The following PDE4D variants were observed in gnomAD, a reference collection of about 807,000 sequenced individuals.
PDE4D encodes phosphodiesterase 4D, also known as 3',5'-cyclic-AMP phosphodiesterase 4D.
PDE4D carries 24 observed loss-of-function variants against 87.4 expected under a neutral mutation model. The observed-to-expected ratio is 0.27, with a 90% CI of 0.20 to 0.39. The LOEUF is 0.39. Among genes scored for constraint, PDE4D ranks in the 10% least tolerant of loss-of-function variants. The pLI is 1.00. For missense variants in PDE4D, 714 were observed against 1,041.0 expected (o/e 0.69, Z 4.32); for synonymous variants, 384 against 383.2 (o/e 1.00, Z -0.02).
intron 2 of PDE4D, among the ~76,000 whole-genome samples, chr5:60,029,622 T>C (rs922455259): frequency 6.6e-6 from 1 of 152,226 alleles, no homozygotes; most frequent in Admixed American, 6.5e-5. Context: ...AATGCCATCT[T>C]GGCAAAATAA....
chr5:59,990,929 G>C (rs1162211892), intron 2 of PDE4D, among the ~76,000 whole-genome samples: 1 of 152,112 alleles, frequency 6.6e-6, no homozygotes, highest in African/African-American at 2.4e-5. Flanking sequence ...TACATGTCAG[G>C]ATCCAAACCC....
At chr5:60,058,445 T>C (rs1404601087) in intron 2 of PDE4D, among the ~76,000 whole-genome samples, 1 of 151,980 alleles carries the variant, frequency 6.6e-6, no homozygotes, top group East Asian at 1.9e-4. Flanking sequence ...TATTTATAAA[T>C]TACAAAATCT....
chr5:59,597,997 T>C (rs776231583), intron 1 of PDE4D, among the ~76,000 whole-genome samples: 17 of 152,104 alleles, frequency 1.1e-4, no homozygotes, highest in Non-Finnish European at 2.1e-4. Context: ...ATAGACTATA[T>C]AAATCACTTA....
chr5:59,576,480 AT>A (rs1561248088), intron 1 of PDE4D, among the ~76,000 whole-genome samples: 1 of 152,142 alleles, frequency 6.6e-6, no homozygotes, highest in Non-Finnish European at 1.5e-5. Flanking sequence ...TTTAATTAAA[AT>A]TTCCCCTGAC....
intron 5 of PDE4D, among the ~76,000 whole-genome samples, chr5:59,103,882 A>G (rs1366328303): frequency 6.6e-6 from 1 of 152,242 alleles, no homozygotes; most frequent in Non-Finnish European, 1.5e-5. Flanking sequence ...GGCAGAGTAT[A>G]AAGAGAACCA....
At chr5:60,380,502 G>A (rs923012926) in intron 1 of PDE4D, among the ~76,000 whole-genome samples, 6 of 151,984 alleles carry the variant, frequency 3.9e-5, no homozygotes, top group African/African-American at 1.5e-4. Flanking sequence ...TTTTCTTTTT[G>A]CCCCAATGTC....
At chr5:60,402,809 G>A (rs1331225604) in intron 1 of PDE4D, among the ~76,000 whole-genome samples, 2 of 152,186 alleles carry the variant, frequency 1.3e-5, no homozygotes, top group African/African-American at 4.8e-5. Context: ...AACTGTCATT[G>A]TTGATCCCCT....
chr5:59,208,336 A>T (rs1749289576), intron 2 of PDE4D, among the ~76,000 whole-genome samples: 1 of 152,246 alleles, frequency 6.6e-6, no homozygotes, highest in South Asian at 2.1e-4. Context: ...GTCAGTTTTC[A>T]CTTCTTTTTC....
intron 3 of PDE4D, among the ~76,000 whole-genome samples, chr5:59,905,956 T>C (rs899280122): frequency 1.3e-5 from 2 of 152,188 alleles, no homozygotes; most frequent in Admixed American, 1.3e-4. Flanking sequence ...TAGTTCTGCC[T>C]TCTTCTCTCC....
chr5:60,113,577 TG>T (rs1022331413), intron 2 of PDE4D, among the ~76,000 whole-genome samples: 4 of 152,082 alleles, frequency 2.6e-5, no homozygotes, highest in Non-Finnish European at 5.9e-5. Context: ...TCCAGTCCTT[TG>T]GGGGCCATAC....
intron 1 of PDE4D, among the ~76,000 whole-genome samples, chr5:59,668,200 C>T (rs957552893): frequency 3.9e-5 from 6 of 152,176 alleles, no homozygotes; most frequent in Admixed American, 3.3e-4. Context: ...CTTTCCCTGC[C>T]TCTGTCATAT....
intron 1 of PDE4D, among the ~76,000 whole-genome samples, chr5:60,251,392 T>C (rs1202250404): frequency 6.6e-6 from 1 of 151,900 alleles, no homozygotes; most frequent in Non-Finnish European, 1.5e-5. Context: ...CCAGTGTTTG[T>C]TGTTCTCCTC....
chr5:59,258,217 C>T (rs1761338876), intron 1 of PDE4D, among the ~76,000 whole-genome samples: 1 of 151,842 alleles, frequency 6.6e-6, no homozygotes, highest in African/African-American at 2.4e-5. Flanking sequence ...CTTCCCTGAC[C>T]ACTCCAACTA....
At chr5:59,629,342 G>C (rs1201458475) in intron 1 of PDE4D, among the ~76,000 whole-genome samples, 1 of 152,084 alleles carries the variant, frequency 6.6e-6, no homozygotes, top group Non-Finnish European at 1.5e-5. Flanking sequence ...GGTCATATAG[G>C]AGTAAGATGC....
At chr5:59,714,295 G>T (rs924083958) in intron 1 of PDE4D, among the ~76,000 whole-genome samples, 11 of 152,240 alleles carry the variant, frequency 7.2e-5, no homozygotes, top group Non-Finnish European at 1.5e-4. Flanking sequence ...ATGCAGAAGG[G>T]GAAGGAGGAC....
intron 1 of PDE4D, among the ~76,000 whole-genome samples, chr5:59,554,420 A>G (rs1192106737): frequency 6.6e-6 from 1 of 152,150 alleles, no homozygotes; most frequent in Non-Finnish European, 1.5e-5. Flanking sequence ...GCAAGTGACC[A>G]GGCCAGAGTC....
At chr5:59,409,046 G>T (rs552094105) in intron 1 of PDE4D, among the ~76,000 whole-genome samples, 5 of 151,840 alleles carry the variant, frequency 3.3e-5, no homozygotes, top group Non-Finnish European at 7.4e-5. Context: ...TACTCAGGAG[G>T]CTGAGACAGG....
At chr5:60,185,252 G>A (rs1246334402) in intron 2 of PDE4D, among the ~76,000 whole-genome samples, 1 of 152,004 alleles carries the variant, frequency 6.6e-6, no homozygotes, top group Non-Finnish European at 1.5e-5. Context: ...CCTATATTTT[G>A]ACTTTTAATC....
intron 6 of PDE4D, among the ~76,000 whole-genome samples, chr5:59,015,068 A>C (rs960532457): frequency 6.6e-6 from 1 of 152,234 alleles, no homozygotes; most frequent in Non-Finnish European, 1.5e-5. Context: ...CTGGCTAGCC[A>C]TATGTAGAAA....
Sources: gnomAD v4.1 joint callset for allele counts (sites outside exome capture counted in the v4.1 genomes callset) on GRCh38, gnomAD v4.1.1 for gene constraint, MANE v1.5 for transcripts, NCBI Gene and HGNC (gene_info 2026-07-23, HGNC 2026-07-21) for gene names.